The following LHFPL3 variants were observed in gnomAD, a reference collection of about 807,000 sequenced individuals.
LHFPL3 encodes LHFPL tetraspan subfamily member 3, also known as LHFPL tetraspan subfamily member 3 protein.
In LHFPL3, 5 loss-of-function variants were observed where a neutral mutation model predicts 19.3. That is an observed-to-expected ratio of 0.26 (90% confidence interval 0.14 to 0.54). The LOEUF is 0.54. LHFPL3 is among the 20% of genes least tolerant of loss of function. The pLI, the probability that LHFPL3 is intolerant of heterozygous loss-of-function variation, is 0.94. For missense variants in LHFPL3, 249 were observed against 307.4 expected (o/e 0.81, Z 1.42); for synonymous variants, 133 against 126.2 (o/e 1.05, Z -0.36).
At chr7:104,445,366 C>A (rs561612309) in intron 1 of LHFPL3, among the ~76,000 whole-genome samples, 1 of 152,150 alleles carries the variant, frequency 6.6e-6, no homozygotes, top group African/African-American at 2.4e-5. Flanking sequence ...CTACTTGTAT[C>A]CTTGGGCAAG....
chr7:104,477,595 G>A (rs767087609), intron 1 of LHFPL3, among the ~76,000 whole-genome samples: 1 of 152,076 alleles, frequency 6.6e-6, no homozygotes, highest in African/African-American at 2.4e-5. Flanking sequence ...CGGGCCTTTC[G>A]GAGGGTGGAG....
At chr7:104,772,664 T>C (rs1267898398) in intron 2 of LHFPL3, among the ~76,000 whole-genome samples, 1 of 152,212 alleles carries the variant, frequency 6.6e-6, no homozygotes, top group Non-Finnish European at 1.5e-5. Context: ...GAAATCTCAT[T>C]CCCCTGCTGC....
At position 104,736,727 on chromosome 7, in the gene LHFPL3, T is replaced by A. The variant is rs1297339020; in HGVS notation, c.498T>A (p.Asp166Glu). 7 of 1,613,816 alleles carry A rather than the reference T, an allele frequency of 4.3e-6. No individual in the cohort carries two copies. Among genetic ancestry groups the A allele is most frequent in the Non-Finnish European group, 5.9e-6 (7 of 1,179,826 alleles). Residue 166 changes from aspartate to glutamate, a missense_variant, in exon 2 of 3, where the codon GAT becomes GAA. Coordinates refer to ENST00000424859, the MANE Select transcript of LHFPL3 (RefSeq NM_199000.3). ...CMIFPDGWDS[D>E]EVKRMCGEKT... Reference sequence around the variant, plus strand: ...TTTTCCCTGATGGCTGGGACTCAGATGAAGTAAAACGGATGTGTGGAGAAA... The same window carrying A: ...TTTTCCCTGATGGCTGGGACTCAGAAGAAGTAAAACGGATGTGTGGAGAAA...
intron 1 of LHFPL3, among the ~76,000 whole-genome samples, chr7:104,450,422 A>G (rs1000003388): frequency 1.8e-4 from 27 of 152,298 alleles, no homozygotes; most frequent in African/African-American, 6.5e-4. Context: ...TGTTCAGTGC[A>G]GGGACATGGA....
At chr7:104,775,994 T>C (rs976769998) in intron 2 of LHFPL3, among the ~76,000 whole-genome samples, 1 of 152,224 alleles carries the variant, frequency 6.6e-6, no homozygotes, top group African/African-American at 2.4e-5. Context: ...GGAAAGAAGC[T>C]AATTCCAAAC....
At chr7:104,737,526 A>G (rs541241879) in intron 2 of LHFPL3, among the ~76,000 whole-genome samples, 38 of 152,236 alleles carry the variant, frequency 2.5e-4, no homozygotes, top group Non-Finnish European at 4.4e-4. Context: ...TGAAACACAA[A>G]GAAAACCAGG....
At chr7:104,823,561 AT>A (rs1790719133) in intron 2 of LHFPL3, among the ~76,000 whole-genome samples, 1 of 152,194 alleles carries the variant, frequency 6.6e-6, no homozygotes, top group South Asian at 2.1e-4. Context: ...TGAAAATTGT[AT>A]TTCACAGTTT....
chr7:104,449,616 T>C (rs1792394224), intron 1 of LHFPL3, among the ~76,000 whole-genome samples: 1 of 152,220 alleles, frequency 6.6e-6, no homozygotes, highest in African/African-American at 2.4e-5. Flanking sequence ...TAGTGGCTTA[T>C]ATCTCAGTGT....
intron 1 of LHFPL3, among the ~76,000 whole-genome samples, chr7:104,482,840 C>T (rs577482727): frequency 4.2e-4 from 64 of 152,336 alleles, no homozygotes; most frequent in African/African-American, 1.4e-3. Flanking sequence ...GTGGTCCAGT[C>T]TGAGGGAGAC....
intron 1 of LHFPL3, among the ~76,000 whole-genome samples, chr7:104,370,200 A>G (rs1790584668): frequency 6.6e-6 from 1 of 152,164 alleles, no homozygotes; most frequent in African/African-American, 2.4e-5. Flanking sequence ...CCCTGAGGAG[A>G]GGCTGCTGCC....
At chr7:104,551,472 T>C (rs898003424) in intron 1 of LHFPL3, among the ~76,000 whole-genome samples, 6 of 152,154 alleles carry the variant, frequency 3.9e-5, no homozygotes, top group Non-Finnish European at 2.9e-5. Context: ...ACTCTTCCCT[T>C]TTTTTCTGCC....
intron 1 of LHFPL3, among the ~76,000 whole-genome samples, chr7:104,409,123 A>G (rs1160021174): frequency 6.8e-6 from 1 of 146,650 alleles, no homozygotes; most frequent in Non-Finnish European, 1.5e-5. Flanking sequence ...TGATCCGCCC[A>G]CCTCGGCCTC....
At chr7:104,837,675 G>GAGTA (rs1791123511) in intron 2 of LHFPL3, among the ~76,000 whole-genome samples, 1 of 152,050 alleles carries the variant, frequency 6.6e-6, no homozygotes, top group African/African-American at 2.4e-5. Flanking sequence ...TTGGTTACAT[G>GAGTA]AGTAAGTTCT....
At chr7:104,695,764 A>AT (rs764532984) in intron 1 of LHFPL3, among the ~76,000 whole-genome samples, 2 of 152,374 alleles carry the variant, frequency 1.3e-5, no homozygotes, top group Non-Finnish European at 2.9e-5. Flanking sequence ...CCTAGCTTAG[A>AT]TAAACAAGGG....
chr7:104,558,453 G>GT (rs1311832974), intron 1 of LHFPL3, among the ~76,000 whole-genome samples: 7 of 152,148 alleles, frequency 4.6e-5, no homozygotes, highest in South Asian at 2.1e-4. Flanking sequence ...TTTTTCATGT[G>GT]TTTTTTGGCT....
chr7:104,540,938 GC>G (rs1038196815), intron 1 of LHFPL3, among the ~76,000 whole-genome samples: 1 of 152,048 alleles, frequency 6.6e-6, no homozygotes, highest in African/African-American at 2.4e-5. Flanking sequence ...AACGAACTCT[GC>G]CAGCATTTTT....
In LHFPL3 at chr7:104,717,231, T is replaced by C. The variant is rs865806652; in HGVS notation, c.446-19444T>C. On this transcript the variant is annotated intron_variant, in intron 1 of 2. Coordinates refer to ENST00000424859, the MANE Select transcript of LHFPL3 (RefSeq NM_199000.3). The stretch of plus-strand genomic sequence containing the variant: ...AAGAAAACACAGAGGGAAAAACTTA[T>C]AACATTAGTCTTGGCAATGATTTTA... Among the ~76,000 whole-genome samples the C allele has an allele frequency of 5.3e-5, 8 of 152,108 alleles. No individual in the cohort carries two copies. The South Asian group carries it at 1.0e-3, about 20-fold the overall frequency.
At chr7:104,355,345 G>A (rs139442999) in intron 1 of LHFPL3, among the ~76,000 whole-genome samples, 26 of 152,162 alleles carry the variant, frequency 1.7e-4, no homozygotes, top group African/African-American at 4.3e-4. Flanking sequence ...ATTTCAGATC[G>A]TCTGTACCTC....
At chr7:104,693,595 C>G (rs1792944641) in intron 1 of LHFPL3, among the ~76,000 whole-genome samples, 1 of 152,154 alleles carries the variant, frequency 6.6e-6, no homozygotes, top group African/African-American at 2.4e-5. Flanking sequence ...TCATTCTCTT[C>G]TCTGCTGCCC....
Sources: gnomAD v4.1 joint callset for allele counts (sites outside exome capture counted in the v4.1 genomes callset) on GRCh38, gnomAD v4.1.1 for gene constraint, MANE v1.5 for transcripts, NCBI Gene and HGNC (gene_info 2026-07-23, HGNC 2026-07-21) for gene names.